CEP112: variants seen among roughly 807,000 people sequenced by gnomAD.
CEP112 encodes centrosomal protein of 112 kDa.
In CEP112, 127 loss-of-function variants were observed where a neutral mutation model predicts 153.0. The observed-to-expected ratio is 0.83, with a 90% CI of 0.72 to 0.96. CEP112 has a LOEUF of 0.96. Ranked by LOEUF, CEP112 falls within the 40% of genes least tolerant of loss-of-function variation. CEP112 has a pLI of 0.00. For missense variants in CEP112, 1,089 were observed against 1,101.2 expected, an observed-to-expected ratio of 0.99 and a Z score of 0.16; for synonymous variants, 358 against 374.4, an observed-to-expected ratio of 0.96 and a Z score of 0.51.
intron 4 of CEP112, among the ~76,000 whole-genome samples, chr17:66,160,897 C>T (rs1225741248): frequency 6.6e-6 from 1 of 151,914 alleles, no homozygotes; most frequent in Non-Finnish European, 1.5e-5. Context: ...TAAGAGTGAA[C>T]AGACAACCTA....
intron 20 of CEP112, among the ~76,000 whole-genome samples, chr17:65,885,501 C>T (rs545164439): frequency 5.8e-4 from 88 of 151,766 alleles, no homozygotes; most frequent in Non-Finnish European, 1.1e-3. Flanking sequence ...AAAAAAAAAA[C>T]GGTTTGAATT....
intron 24 of CEP112, among the ~76,000 whole-genome samples, chr17:65,669,128 C>A (rs1470991429): frequency 6.6e-6 from 1 of 152,230 alleles, no homozygotes; most frequent in Non-Finnish European, 1.5e-5. Context: ...GGGAGAGCGG[C>A]AGCTGGCCCT....
At chr17:65,908,229 A>G (rs2060153254) in intron 19 of CEP112, among the ~76,000 whole-genome samples, 1 of 152,178 alleles carries the variant, frequency 6.6e-6, no homozygotes, top group Non-Finnish European at 1.5e-5. Context: ...CATATTAAAG[A>G]AGACTGGCAT....
intron 1 of CEP112, among the ~76,000 whole-genome samples, chr17:66,184,280 C>T (rs12452188): frequency 0.28 from 42,782 of 151,696 alleles, 6,277 homozygotes; most frequent in Non-Finnish European, 0.32. Flanking sequence ...AGAAAGCTGA[C>T]ATATTGAACT....
At chr17:65,730,081 G>A (rs2050416897) in intron 23 of CEP112, among the ~76,000 whole-genome samples, 1 of 152,100 alleles carries the variant, frequency 6.6e-6, no homozygotes, top group African/African-American at 2.4e-5. Context: ...TCGTGTATTC[G>A]CTCATCAAAC....
chr17:66,074,963 T>C (rs1003183043), intron 8 of CEP112, among the ~76,000 whole-genome samples: 17 of 144,278 alleles, frequency 1.2e-4, no homozygotes, highest in African/African-American at 4.1e-4. Flanking sequence ...ACAGAAACAA[T>C]GGAAACCAGA....
intron 18 of CEP112, 109 bp from the exon 19 acceptor site, chr17:65,927,798 A>T: frequency 1.9e-6 from 1 of 517,802 alleles, no homozygotes; most frequent in Non-Finnish European, 3.3e-6. Context: ...CCTCACCAAT[A>T]ATAATGATGA....
At chr17:65,680,240 T>C (rs1314600814) in intron 24 of CEP112, among the ~76,000 whole-genome samples, 2 of 152,218 alleles carry the variant, frequency 1.3e-5, no homozygotes, top group South Asian at 2.1e-4. Flanking sequence ...TGAATGATCC[T>C]ACCAGATGAA....
At chr17:65,913,487 T>C (rs1447898964) in intron 19 of CEP112, 1 of 984,988 alleles carries the variant, frequency 1.0e-6, no homozygotes, top group East Asian at 1.1e-4. Flanking sequence ...CACAAAAAAA[T>C]TGTAAAAAGC....
chr17:66,189,372 C>T (rs1054611186), intron 1 of CEP112, among the ~76,000 whole-genome samples: 1 of 151,878 alleles, frequency 6.6e-6, no homozygotes, highest in East Asian at 1.9e-4. Flanking sequence ...GGCAAAGTGG[C>T]ACACACCTGT....
At chr17:65,648,159 C>A (rs1044185860) in intron 24 of CEP112, among the ~76,000 whole-genome samples, 1 of 152,170 alleles carries the variant, frequency 6.6e-6, no homozygotes, top group East Asian at 1.9e-4. Context: ...CCATCATCCT[C>A]AAAAAGCACT....
At chr17:65,979,900 A>G (rs1161820457) in intron 17 of CEP112, among the ~76,000 whole-genome samples, 2 of 152,168 alleles carry the variant, frequency 1.3e-5, no homozygotes, top group Admixed American at 1.3e-4. Flanking sequence ...GTTTGAAACT[A>G]TTAATAATAG....
intron 6 of CEP112, 31 bp downstream of exon 6, chr17:66,129,715 A>C (rs1272857258): frequency 2.8e-6 from 4 of 1,433,812 alleles, no homozygotes; most frequent in Non-Finnish European, 3.9e-6. Context: ...TGACACATCT[A>C]TATATACATA....
chr17:65,692,578 C>T (rs1179582062), intron 23 of CEP112, among the ~76,000 whole-genome samples: 1 of 152,120 alleles, frequency 6.6e-6, no homozygotes, highest in African/African-American at 2.4e-5. Context: ...TATGTTTGTG[C>T]TACTCCATGC....
chr17:65,732,950 T>C (rs2050593903), intron 23 of CEP112, among the ~76,000 whole-genome samples: 1 of 152,254 alleles, frequency 6.6e-6, no homozygotes. Context: ...GTAGCACTTT[T>C]AATTTCCTTC....
intron 4 of CEP112, among the ~76,000 whole-genome samples, chr17:66,173,986 T>C (rs755464663): frequency 3.7e-4 from 56 of 152,258 alleles, no homozygotes; most frequent in Non-Finnish European, 6.5e-4. Flanking sequence ...TGGAGTGCAG[T>C]AGTGGAATCT....
At chr17:65,928,682 G>A (rs528951678) in intron 18 of CEP112, among the ~76,000 whole-genome samples, 1 of 152,210 alleles carries the variant, frequency 6.6e-6, no homozygotes, top group East Asian at 1.9e-4. Context: ...AGGCAACATA[G>A]TGAGACTGTG....
intron 12 of CEP112, among the ~76,000 whole-genome samples, chr17:66,052,266 T>C (rs772838719): frequency 1.6e-4 from 25 of 152,198 alleles, no homozygotes; most frequent in Non-Finnish European, 3.5e-4. Context: ...TGAATGCATC[T>C]TACCTTTGCA....
At chr17:65,890,495 T>C (rs1459087948) in intron 20 of CEP112, among the ~76,000 whole-genome samples, 3 of 152,208 alleles carry the variant, frequency 2.0e-5, no homozygotes, top group African/African-American at 7.2e-5. Context: ...ATCCCATAAC[T>C]TCCATCTCTA....
Sources: gnomAD v4.1 joint callset for allele counts (sites outside exome capture counted in the v4.1 genomes callset) on GRCh38, gnomAD v4.1.1 for gene constraint, MANE v1.5 for transcripts, NCBI Gene and HGNC (gene_info 2026-07-23, HGNC 2026-07-21) for gene names.